SOX6: variants seen among roughly 807,000 people sequenced by gnomAD.
The protein encoded by SOX6 is SRY-box transcription factor 6.
A neutral mutation model predicts 97.8 loss-of-function variants in SOX6; 11 were observed. The ratio of observed to expected loss-of-function variants is 0.11; its 90% CI spans 0.07 to 0.19. The LOEUF (loss-of-function observed/expected upper bound fraction) is 0.19. Ranked by LOEUF, SOX6 falls within the 10% of genes least tolerant of loss-of-function variation. SOX6 has a pLI of 1.00. For missense variants in SOX6, 810 were observed against 1,039.5 expected (o/e 0.78, Z 3.04); for synonymous variants, 360 against 371.4 (o/e 0.97, Z 0.35).
At chr11:16,330,638 G>A (rs1347978745) in intron 2 of SOX6, among the ~76,000 whole-genome samples, 1 of 152,090 alleles carries the variant, frequency 6.6e-6, no homozygotes, top group Non-Finnish European at 1.5e-5. Context: ...TTTTCATCTG[G>A]CAATTCATTA....
intron 13 of SOX6, among the ~76,000 whole-genome samples, chr11:15,997,366 A>T (rs893846305): frequency 5.9e-5 from 9 of 152,222 alleles, no homozygotes; most frequent in Admixed American, 4.6e-4. Flanking sequence ...AACACTTCTT[A>T]ATTAAGTTTA....
intron 8 of SOX6, among the ~76,000 whole-genome samples, chr11:16,097,360 T>C (rs1848825008): frequency 6.6e-6 from 1 of 151,912 alleles, no homozygotes; most frequent in African/African-American, 2.4e-5. Flanking sequence ...ATTGAAATTG[T>C]AAAACTATTC....
chr11:16,137,202 G>A (rs1849990425), intron 6 of SOX6, among the ~76,000 whole-genome samples: 2 of 152,306 alleles, frequency 1.3e-5, no homozygotes, highest in South Asian at 4.1e-4. Context: ...TTGGGAGGCT[G>A]AGGTGGACAG....
chr11:16,553,554 T>C (rs917256587), intron 4 of SOX6, among the ~76,000 whole-genome samples: 4 of 151,810 alleles, frequency 2.6e-5, no homozygotes, highest in African/African-American at 9.7e-5. Flanking sequence ...GGGATCACTT[T>C]TGTCACCATC....
chr11:16,465,895 CAT>C (rs1175128007), intron 1 of SOX6: 3 of 152,172 alleles, frequency 2.0e-5, no homozygotes, highest in Non-Finnish European at 4.4e-5. Flanking sequence ...TCTCTAGTAA[CAT>C]AACAAGTTTT....
intron 4 of SOX6, among the ~76,000 whole-genome samples, chr11:16,552,332 A>C (rs1490016414): frequency 6.6e-6 from 1 of 152,238 alleles, no homozygotes; most frequent in Non-Finnish European, 1.5e-5. Flanking sequence ...TAAAAACTTA[A>C]ATGTGGGAAG....
rs889961982 is a variant in SOX6, at chr11:15,966,998, G to A, written c.*5811C>T. On this transcript the variant is annotated 3_prime_UTR_variant, in exon 16 of 16. Transcript: ENST00000683767. ...GAGGAGAGTGTGAGAAAGATGTGAT[G>A]GCAACCCTTAAGGTCATTTAAAAAC... The A allele has an allele frequency of 6.6e-5, 10 of 152,022 alleles. No homozygotes were observed. Among genetic ancestry groups the A allele is most frequent in the African/African-American group, 2.4e-4 (10 of 41,372 alleles). The allele number at this position is 152,022 out of a possible 1,614,324, so 9.4% of individuals were successfully genotyped here.
intron 3 of SOX6, chr11:16,646,449 C>T (rs1229386910): frequency 6.6e-6 from 1 of 150,694 alleles, no homozygotes; most frequent in Non-Finnish European, 1.5e-5. Context: ...ATCATCCTTT[C>T]GTAAGTTTTT....
At position 16,162,346 on chromosome 11, in the gene SOX6, A is replaced by G. The variant is rs954625991; in HGVS notation, c.777+21540T>C. ...TTCAGGACATAACATGTGATCTTGG[A>G]CAAGCAATACCCTTGATATAGTTTG... On this transcript the variant is annotated intron_variant, in intron 6 of 15. Coordinates refer to ENST00000683767, the MANE Select transcript of SOX6 (RefSeq NM_001367873.1). 5.9e-5 allele frequency among the ~76,000 whole-genome samples: 9 copies of G among 152,344 alleles called. No individual in the cohort carries two copies. The South Asian group carries it at 1.0e-3, about 18-fold the overall frequency.
At chr11:16,456,125 C>A (rs1477686406) in intron 1 of SOX6, among the ~76,000 whole-genome samples, 1 of 152,002 alleles carries the variant, frequency 6.6e-6, no homozygotes, top group African/African-American at 2.4e-5. Flanking sequence ...CCTTGTATGT[C>A]TTAGAGGAGA....
chr11:16,132,493 A>AAAG (rs1849840427), intron 6 of SOX6, among the ~76,000 whole-genome samples: 1 of 107,516 alleles, frequency 9.3e-6, no homozygotes, highest in African/African-American at 3.4e-5. Context: ...AGAAAGAAAG[A>AAAG]AAGAAAGAAA....
intron 3 of SOX6, among the ~76,000 whole-genome samples, chr11:16,265,263 T>C (rs1565057551): frequency 6.6e-6 from 1 of 151,904 alleles, no homozygotes; most frequent in African/African-American, 2.4e-5. Flanking sequence ...CCATCCCAGC[T>C]GCTCATAAAG....
intron 3 of SOX6, among the ~76,000 whole-genome samples, chr11:16,238,516 T>C (rs957458051): frequency 3.3e-5 from 5 of 152,130 alleles, no homozygotes; most frequent in Admixed American, 6.6e-5. Context: ...ATGTGAGATA[T>C]TGATTTCCTA....
chr11:16,298,418 T>A (rs1475307618), intron 3 of SOX6, among the ~76,000 whole-genome samples: 1 of 152,176 alleles, frequency 6.6e-6, no homozygotes, highest in Admixed American at 6.6e-5. Flanking sequence ...ATGTGTTTTT[T>A]TTAGATTCTG....
intron 3 of SOX6, among the ~76,000 whole-genome samples, chr11:16,669,581 C>T (rs1399099318): frequency 2.6e-5 from 4 of 152,224 alleles, no homozygotes; most frequent in Non-Finnish European, 5.9e-5. Context: ...GAGCCAGGGG[C>T]ATCTCTGCAA....
chr11:16,299,335 C>T (rs1396591975), intron 3 of SOX6, among the ~76,000 whole-genome samples: 1 of 151,998 alleles, frequency 6.6e-6, no homozygotes, highest in Non-Finnish European at 1.5e-5. Context: ...CAGGCACGAC[C>T]AAGCAATTAT....
intron 12 of SOX6, among the ~76,000 whole-genome samples, chr11:16,018,778 C>T (rs137881514): frequency 5.9e-4 from 90 of 151,990 alleles, no homozygotes; most frequent in Non-Finnish European, 1.1e-3. Flanking sequence ...ATCCAAGATC[C>T]GTGGTAAATT....
chr11:16,238,174 C>A (rs1853080855), intron 3 of SOX6, among the ~76,000 whole-genome samples: 1 of 151,858 alleles, frequency 6.6e-6, no homozygotes, highest in Non-Finnish European at 1.5e-5. Flanking sequence ...AAATCGCGAG[C>A]TGGACTTCAG....
chr11:16,349,166 C>G lies in SOX6; in HGVS notation c.-5+6928G>C, dbSNP rs77735984. On this transcript the variant is annotated intron_variant, in intron 1 of 15. Transcript: ENST00000683767. The stretch of plus-strand genomic sequence containing the variant: ...CCAAACAAACTGCATTTTAAAAGCT[C>G]TCTTAGAAAAGTGATTTTATTTCAT... Among the ~76,000 whole-genome samples the G allele has an allele frequency of 2.1e-4, 32 of 152,234 alleles. No individual in the cohort carries two copies. The East Asian group carries it at 4.2e-3, about 20-fold the overall frequency.
Sources: allele counts gnomAD v4.1 joint callset (sites outside exome capture counted in the v4.1 genomes callset), GRCh38; gene constraint gnomAD v4.1.1; transcripts MANE v1.5; gene names NCBI Gene and HGNC (gene_info 2026-07-23, HGNC 2026-07-21).